The following DOK6 variants were observed in gnomAD, a reference collection of about 807,000 sequenced individuals.
DOK6 encodes downstream of tyrosine kinase 6.
In DOK6, 22 loss-of-function variants were observed where a neutral mutation model predicts 44.0. That is an observed-to-expected ratio of 0.50 (90% confidence interval 0.36 to 0.71). DOK6 has a LOEUF of 0.71. Ranked by LOEUF, DOK6 falls within the 30% of genes least tolerant of loss-of-function variation. The probability of loss-of-function intolerance (pLI) is 0.00; values close to 1 mark genes in which losing one functional copy is unlikely to be tolerated. For missense variants in DOK6, 340 were observed against 416.4 expected, an observed-to-expected ratio of 0.82 and a Z score of 1.60; for synonymous variants, 166 against 145.5, an observed-to-expected ratio of 1.14 and a Z score of -1.01.
intron 5 of DOK6, among the ~76,000 whole-genome samples, chr18:69,714,897 C>T (rs574649771): frequency 1.7e-4 from 26 of 152,122 alleles, no homozygotes; most frequent in Non-Finnish European, 2.9e-4. Context: ...TCAAGAAAGA[C>T]TTGGTATGAA....
chr18:69,533,879 C>G (rs1982049615), intron 1 of DOK6, among the ~76,000 whole-genome samples: 1 of 151,998 alleles, frequency 6.6e-6, no homozygotes, highest in African/African-American at 2.4e-5. Context: ...ATTTCTTTCT[C>G]TAAAGAAAAG....
intron 3 of DOK6, among the ~76,000 whole-genome samples, chr18:69,624,774 A>G (rs1984519032): frequency 6.6e-6 from 1 of 152,102 alleles, no homozygotes; most frequent in East Asian, 1.9e-4. Flanking sequence ...ATTTTATCAT[A>G]CATATTAGAA....
At chr18:69,785,912 T>C (rs1391295473) in intron 7 of DOK6, among the ~76,000 whole-genome samples, 1 of 152,190 alleles carries the variant, frequency 6.6e-6, no homozygotes, top group Non-Finnish European at 1.5e-5. Flanking sequence ...AAGGTAATGC[T>C]CTCTCAGAGT....
At chr18:69,763,029 A>C (rs770289966) in intron 7 of DOK6, among the ~76,000 whole-genome samples, 14 of 152,114 alleles carry the variant, frequency 9.2e-5, no homozygotes, top group Non-Finnish European at 1.9e-4. Flanking sequence ...GAGAATAAGA[A>C]TCTCCAATAC....
In DOK6 at chr18:69,401,259, T is replaced by C. The variant is rs1225591139; in HGVS notation, c.15T>C (p.Phe5=). 3 of 1,579,904 alleles carry C rather than the reference T, an allele frequency of 1.9e-6. No homozygotes were observed. In the East Asian group the frequency reaches 7.4e-5, roughly 39 times the overall value. The change falls in exon 1 of 8, where the codon TTT becomes TTC. Residue 5 remains phenylalanine, a synonymous_variant. Transcript: ENST00000382713. MASN[F]NDIVKQGYVK... ...TCGCGCTGGCCATGGCCTCCAACTT[T>C]AACGACATAGTCAAGCAGGGCTACG...
At chr18:69,816,881 G>T (rs1981414002) in intron 7 of DOK6, among the ~76,000 whole-genome samples, 1 of 152,158 alleles carries the variant, frequency 6.6e-6, no homozygotes, top group African/African-American at 2.4e-5. Flanking sequence ...AACTTCAACA[G>T]GGTCTTAGCA....
intron 1 of DOK6, among the ~76,000 whole-genome samples, chr18:69,508,787 G>A (rs966880116): frequency 6.6e-6 from 1 of 152,114 alleles, no homozygotes; most frequent in Non-Finnish European, 1.5e-5. Context: ...TCTGTCTCAG[G>A]AATTCATGAC....
At chr18:69,489,694 C>A (rs112677532) in intron 1 of DOK6, among the ~76,000 whole-genome samples, 1,817 of 152,176 alleles carry the variant, frequency 0.012, 35 homozygotes, top group African/African-American at 0.041. Flanking sequence ...TTTTCCTTAT[C>A]CTTCTCTTTC....
At chr18:69,743,672 A>G (rs982096676) in intron 6 of DOK6, among the ~76,000 whole-genome samples, 1 of 152,110 alleles carries the variant, frequency 6.6e-6, no homozygotes, top group Non-Finnish European at 1.5e-5. Flanking sequence ...TGAGAAAAAA[A>G]AAGATTTTTT....
At chr18:69,654,821 G>C (rs943105712) in intron 3 of DOK6, among the ~76,000 whole-genome samples, 2 of 152,184 alleles carry the variant, frequency 1.3e-5, no homozygotes, top group Non-Finnish European at 1.5e-5. Flanking sequence ...ACTTTGGGAG[G>C]TGGAGATGGT....
intron 1 of DOK6, among the ~76,000 whole-genome samples, chr18:69,463,888 C>T (rs1362658941): frequency 6.6e-6 from 1 of 152,048 alleles, no homozygotes; most frequent in South Asian, 2.1e-4. Context: ...TAATGCTTAG[C>T]GTTCCATTGA....
intron 7 of DOK6, among the ~76,000 whole-genome samples, chr18:69,828,946 A>C (rs1981827383): frequency 7.0e-6 from 1 of 142,306 alleles, no homozygotes; most frequent in African/African-American, 2.5e-5. Context: ...AAGGGGAATA[A>C]AAGCCTTTAT....
At chr18:69,540,661 T>G (rs1482505773) in intron 1 of DOK6, among the ~76,000 whole-genome samples, 1 of 152,198 alleles carries the variant, frequency 6.6e-6, no homozygotes, top group Non-Finnish European at 1.5e-5. Flanking sequence ...TTTTCTTCCA[T>G]CATAGTTTTT....
In DOK6 at chr18:69,571,264, T is replaced by C. The variant is rs528854105; in HGVS notation, c.174+6670T>C. ...ATATGTAGCTCAAAAGTGAATAAAC[T>C]AAAATTGAATTTTAAATAATATTCA... On this transcript the variant is annotated intron_variant, in intron 2 of 7. Coordinates refer to ENST00000382713, the MANE Select transcript of DOK6 (RefSeq NM_152721.6). Among the ~76,000 whole-genome samples, 48 of 151,768 alleles carry C rather than the reference T, an allele frequency of 3.2e-4. 1 individual carries two copies. In the South Asian group the frequency reaches 9.2e-3, roughly 29 times the overall value.
Position 69,677,738 on chromosome 18 carries a change from G to A in DOK6, c.294G>A (p.Leu98=). Residue 98 remains leucine, a synonymous_variant, in exon 4 of 8, where the codon CTG becomes CTA. Coordinates refer to ENST00000382713, the MANE Select transcript of DOK6 (RefSeq NM_152721.6). The stretch of plus-strand genomic sequence containing the variant: ...TGATGTTGTGGTTACTTTCAGAGCT[G>A]GAGGCCGAGGAGTGGTGCAAGCACC... The part of the protein sequence containing the change: ...TSKTFACESE[L]EAEEWCKHLC... 2 of 1,613,394 alleles carry A rather than the reference G, an allele frequency of 1.2e-6. No homozygotes were observed. The highest frequency in any genetic ancestry group is 1.7e-6 in the Non-Finnish European group (2 of 1,179,552).
At chr18:69,449,887 A>G (rs1386102996) in intron 1 of DOK6, among the ~76,000 whole-genome samples, 1 of 150,800 alleles carries the variant, frequency 6.6e-6, no homozygotes, top group Non-Finnish European at 1.5e-5. Flanking sequence ...CAGAAAGGAC[A>G]TCCACACCGA....
chr18:69,827,604 A>G (rs1249952085), intron 7 of DOK6, among the ~76,000 whole-genome samples: 1 of 152,056 alleles, frequency 6.6e-6, no homozygotes, highest in African/African-American at 2.4e-5. Context: ...CGTCGAAGTC[A>G]TTTCAAAAGC....
intron 7 of DOK6, among the ~76,000 whole-genome samples, chr18:69,792,457 C>T (rs1196046440): frequency 6.6e-6 from 1 of 151,814 alleles, no homozygotes; most frequent in African/African-American, 2.4e-5. Context: ...GAGATCTTAT[C>T]ACTACTTGTT....
intron 7 of DOK6, among the ~76,000 whole-genome samples, chr18:69,801,304 G>A (rs940553206): frequency 7.9e-5 from 12 of 152,094 alleles, no homozygotes; most frequent in African/African-American, 2.9e-4. Flanking sequence ...AACACTCATT[G>A]TCAGGCATCT....
Sources: gnomAD v4.1 joint callset for allele counts (sites outside exome capture counted in the v4.1 genomes callset) on GRCh38, gnomAD v4.1.1 for gene constraint, MANE v1.5 for transcripts, NCBI Gene and HGNC (gene_info 2026-07-23, HGNC 2026-07-21) for gene names.